The following NUDT3 variants were observed in gnomAD, a reference collection of about 807,000 sequenced individuals.
NUDT3 encodes the protein diphosphoinositol polyphosphate phosphohydrolase 1.
Under a neutral mutation model 23.6 loss-of-function variants are expected in NUDT3, and 9 were observed. The observed-to-expected ratio is 0.38, with a 90% CI of 0.23 to 0.66. The LOEUF (loss-of-function observed/expected upper bound fraction) is 0.66. NUDT3 is among the 30% of genes least tolerant of loss of function. The probability of loss-of-function intolerance (pLI) is 0.52; values close to 1 mark genes in which losing one functional copy is unlikely to be tolerated. For missense variants in NUDT3, 172 were observed against 218.5 expected (o/e 0.79, Z 1.34); for synonymous variants, 86 against 82.6 (o/e 1.04, Z -0.22).
At chr6:34,355,235 T>C (rs1023943164) in intron 1 of NUDT3, among the ~76,000 whole-genome samples, 1 of 152,224 alleles carries the variant, frequency 6.6e-6, no homozygotes, top group Non-Finnish European at 1.5e-5. Context: ...TTATTATAAA[T>C]GGACATTGGA....
intron 2 of NUDT3, among the ~76,000 whole-genome samples, chr6:34,296,119 A>G (rs2113696015): frequency 6.6e-6 from 1 of 152,346 alleles, no homozygotes; most frequent in Admixed American, 6.5e-5. Flanking sequence ...TTGTTTTTAA[A>G]TTAGCCAGTC....
At chr6:34,305,518 GT>G in intron 2 of NUDT3, among the ~76,000 whole-genome samples, 1 of 152,116 alleles carries the variant, frequency 6.6e-6, no homozygotes, top group African/African-American at 2.4e-5. Flanking sequence ...TTTTGGTTTT[GT>G]TGGTCATTTC....
intron 1 of NUDT3, among the ~76,000 whole-genome samples, chr6:34,384,550 C>A (rs1765073941): frequency 6.6e-6 from 1 of 152,028 alleles, no homozygotes; most frequent in Non-Finnish European, 1.5e-5. Flanking sequence ...CACAGAGGCT[C>A]TAAAAAAGGA....
chr6:34,311,388 C>A (rs1418916162), intron 2 of NUDT3, among the ~76,000 whole-genome samples: 1 of 152,016 alleles, frequency 6.6e-6, no homozygotes, highest in African/African-American at 2.4e-5. Context: ...CACACATGTA[C>A]AAGATCTATA....
intron 2 of NUDT3, among the ~76,000 whole-genome samples, chr6:34,301,715 A>G (rs972608325): frequency 1.3e-5 from 2 of 152,228 alleles, no homozygotes; most frequent in Non-Finnish European, 2.9e-5. Context: ...GTAAGGAGTA[A>G]TAAGTACTAT....
chr6:34,365,824 A>T (rs1764718738), intron 1 of NUDT3, among the ~76,000 whole-genome samples: 1 of 151,908 alleles, frequency 6.6e-6, no homozygotes, highest in Non-Finnish European at 1.5e-5. Context: ...GGTGGATCAC[A>T]TGAGGTCAGG....
intron 1 of NUDT3, among the ~76,000 whole-genome samples, chr6:34,356,547 TG>T: frequency 6.6e-6 from 1 of 152,214 alleles, no homozygotes; most frequent in African/African-American, 2.4e-5. Context: ...TGGTCAAAAA[TG>T]GGCCAGTAAG....
intron 2 of NUDT3, among the ~76,000 whole-genome samples, chr6:34,339,223 T>C (rs947348291): frequency 1.3e-5 from 2 of 152,362 alleles, no homozygotes; most frequent in East Asian, 1.9e-4. Flanking sequence ...GTGCTTTGTA[T>C]TGGGGATATC....
chr6:34,372,227 A>G (rs1203116434), intron 1 of NUDT3, among the ~76,000 whole-genome samples: 1 of 152,170 alleles, frequency 6.6e-6, no homozygotes, highest in Non-Finnish European at 1.5e-5. Flanking sequence ...TCTTTATAGC[A>G]GCATGATTTA....
At chr6:34,362,044 C>A (rs1219323640) in intron 1 of NUDT3, among the ~76,000 whole-genome samples, 1 of 152,142 alleles carries the variant, frequency 6.6e-6, no homozygotes, top group Non-Finnish European at 1.5e-5. Context: ...AAATATACCA[C>A]TGTGTTCAGG....
chr6:34,351,459 G>A (rs1430309519), intron 1 of NUDT3, among the ~76,000 whole-genome samples: 1 of 138,898 alleles, frequency 7.2e-6, no homozygotes, highest in African/African-American at 2.7e-5. Context: ...AAAAATTAGA[G>A]GGCCAGGCGC....
intron 1 of NUDT3, among the ~76,000 whole-genome samples, chr6:34,380,991 T>C (rs373340446): frequency 6.6e-6 from 1 of 152,162 alleles, no homozygotes; most frequent in East Asian, 1.9e-4. Flanking sequence ...CCTCTCTCCA[T>C]ACTTCTCTAT....
intron 2 of NUDT3, among the ~76,000 whole-genome samples, chr6:34,318,731 AT>A (rs55946074): frequency 0.096 from 14,503 of 150,730 alleles, 785 homozygotes; most frequent in Non-Finnish European, 0.12. Context: ...TTTAAAAAAA[AT>A]TTTTTTTTTA....
chr6:34,377,552 G>A (rs751165230), intron 1 of NUDT3, among the ~76,000 whole-genome samples: 10 of 151,174 alleles, frequency 6.6e-5, no homozygotes, highest in Non-Finnish European at 1.0e-4. Context: ...GTGTGGAGAG[G>A]GCAGGGCACA....
At chr6:34,342,993 A>G (rs1205942166) in intron 1 of NUDT3, among the ~76,000 whole-genome samples, 1 of 152,066 alleles carries the variant, frequency 6.6e-6, no homozygotes, top group Non-Finnish European at 1.5e-5. Context: ...TGTTCCTGTC[A>G]TAAGAGATTC....
At chr6:34,303,093 G>A (rs1763624716) in intron 2 of NUDT3, among the ~76,000 whole-genome samples, 1 of 151,682 alleles carries the variant, frequency 6.6e-6, no homozygotes, top group South Asian at 2.1e-4. Context: ...TGGCAGTGGT[G>A]CAAACACAGC....
Position 34,285,063 on chromosome 6 carries a change from G to A in NUDT3, c.*3690C>T, listed in dbSNP as rs1411941258. On this transcript the variant is annotated 3_prime_UTR_variant, in exon 5 of 5. Coordinates refer to ENST00000607016, the MANE Select transcript of NUDT3 (RefSeq NM_006703.4). ...ACCCTCGAGACCTTCTGCAGCCTGA[G>A]AGGGGGTGATACTCCCACACCCTTT... 2 of 152,238 alleles carry A rather than the reference G, an allele frequency of 1.3e-5. No homozygotes were observed. Among genetic ancestry groups the A allele is most frequent in the African/African-American group, 4.8e-5 (2 of 41,422 alleles). 9.4% of individuals were successfully genotyped at this position (152,238 alleles called of 1,614,324 possible).
intron 2 of NUDT3, 125 bp from the exon 3 acceptor site, chr6:34,295,810 C>T (rs893065677): frequency 2.0e-5 from 23 of 1,143,314 alleles, no homozygotes; most frequent in Non-Finnish European, 2.8e-5. Flanking sequence ...GCAGACTCCA[C>T]GATCTGTGAA....
At chr6:34,314,383 T>C (rs1373000954) in intron 2 of NUDT3, among the ~76,000 whole-genome samples, 2 of 138,160 alleles carry the variant, frequency 1.4e-5, no homozygotes, top group Non-Finnish European at 3.1e-5. Context: ...CATAACCCTG[T>C]CTCTACTAAA....
Sources: gnomAD v4.1 joint callset for allele counts (sites outside exome capture counted in the v4.1 genomes callset) on GRCh38, gnomAD v4.1.1 for gene constraint, MANE v1.5 for transcripts, NCBI Gene and HGNC (gene_info 2026-07-23, HGNC 2026-07-21) for gene names.